The following CNTN4 variants were observed in gnomAD, a reference collection of about 807,000 sequenced individuals.
CNTN4 encodes the protein contactin 4, also known as contactin-4.
Under a neutral mutation model 122.5 loss-of-function variants are expected in CNTN4, and 77 were observed. That is an observed-to-expected ratio of 0.63 (90% CI 0.52 to 0.76). The LOEUF (loss-of-function observed/expected upper bound fraction) is 0.76. CNTN4 is among the 30% of genes least tolerant of loss of function. The pLI is 0.00. For synonymous variants in CNTN4, 512 were observed against 447.0 expected, an observed-to-expected ratio of 1.15 and a Z score of -1.83; for missense variants, 1,256 against 1,259.1, an observed-to-expected ratio of 1.00 and a Z score of 0.04.
chr3:2,702,657 G>A (rs1382417536), intron 4 of CNTN4, among the ~76,000 whole-genome samples: 5 of 152,160 alleles, frequency 3.3e-5, no homozygotes, highest in Non-Finnish European at 7.3e-5. Context: ...TTTTGGGTGA[G>A]CTCCCTCCAG....
chr3:2,431,420 CCTTT>C (rs1359357349), intron 3 of CNTN4, among the ~76,000 whole-genome samples: 1 of 152,082 alleles, frequency 6.6e-6, no homozygotes, highest in Non-Finnish European at 1.5e-5. Flanking sequence ...AAATTATCTT[CCTTT>C]ATGGAGGAGA....
intron 18 of CNTN4, chr3:3,037,771 A>G (rs1013123930): frequency 1.4e-4 from 36 of 258,714 alleles, no homozygotes; most frequent in African/African-American, 6.5e-4. Context: ...TTCTTCAGAA[A>G]TGTTCACTTA....
At chr3:2,684,563 C>T (rs992160183) in intron 4 of CNTN4, among the ~76,000 whole-genome samples, 3 of 152,108 alleles carry the variant, frequency 2.0e-5, no homozygotes. Flanking sequence ...TTAAAGATCT[C>T]GGCATAAATC....
At chr3:2,945,626 A>C (rs2094668408) in intron 13 of CNTN4, among the ~76,000 whole-genome samples, 2 of 152,178 alleles carry the variant, frequency 1.3e-5, no homozygotes, top group Non-Finnish European at 2.9e-5. Flanking sequence ...AGGAGACAGG[A>C]AGGAAAGGAA....
intron 6 of CNTN4, among the ~76,000 whole-genome samples, chr3:2,797,773 G>C (rs1009015815): frequency 6.6e-6 from 1 of 152,132 alleles, no homozygotes; most frequent in Non-Finnish European, 1.5e-5. Context: ...AGGCATTCCT[G>C]TTTAGTAAGA....
intron 3 of CNTN4, among the ~76,000 whole-genome samples, chr3:2,479,575 G>A (rs542606317): frequency 2.2e-4 from 34 of 152,272 alleles, no homozygotes; most frequent in Admixed American, 2.2e-3. Context: ...CGCGATGCCC[G>A]GGAAGATTGT....
chr3:2,214,987 A>G (rs1436560502), intron 2 of CNTN4, among the ~76,000 whole-genome samples: 1 of 152,236 alleles, frequency 6.6e-6, no homozygotes, highest in Non-Finnish European at 1.5e-5. Flanking sequence ...ATTCATATCC[A>G]TGTATTCACA....
intron 6 of CNTN4, among the ~76,000 whole-genome samples, chr3:2,797,593 C>T (rs962596619): frequency 2.6e-5 from 4 of 152,146 alleles, no homozygotes; most frequent in African/African-American, 4.8e-5. Context: ...AGCGAAACTC[C>T]GCCTCAAAAA....
intron 10 of CNTN4, among the ~76,000 whole-genome samples, chr3:2,895,144 T>A (rs2094093138): frequency 6.6e-6 from 1 of 152,182 alleles, no homozygotes; most frequent in Admixed American, 6.5e-5. Context: ...CCCGGCTAAT[T>A]TTTGTATTTT....
chr3:2,376,642 T>C lies in CNTN4; in HGVS notation c.-89+37409T>C, dbSNP rs539464113. 2.6e-5 allele frequency among the ~76,000 whole-genome samples: 4 copies of C among 151,724 alleles called. No individual in the cohort carries two copies. In the South Asian group the frequency reaches 6.3e-4, roughly 24 times the overall value. Reference sequence around the variant, plus strand: ...GATTTCCCAGTTCTCAATTTTCATGTTCTGTTTGTTTCTGTATAATTTTGT... The same window carrying C: ...GATTTCCCAGTTCTCAATTTTCATGCTCTGTTTGTTTCTGTATAATTTTGT... On this transcript the variant is annotated intron_variant, in intron 3 of 24. Coordinates refer to ENST00000418658, the MANE Select transcript of CNTN4 (RefSeq NM_175607.3).
At position 2,520,259 on chromosome 3, in the gene CNTN4, C is replaced by CTTTTTTTTTTTTTTTTTTTTTTTTT. The variant is rs397988483; in HGVS notation, c.-88-51150_-88-51126dup. Among the ~76,000 whole-genome samples the CTTTTTTTTTTTTTTTTTTTTTTTTT allele has an allele frequency of 1.1e-4, 8 of 74,468 alleles. 1 individual carries two copies. The highest frequency in any genetic ancestry group is 2.9e-4 in the African/African-American group (4 of 13,852). The allele number at this position is 74,468 out of a possible 152,430, so 48.9% of individuals were successfully genotyped here. A position where few individuals can be genotyped will look rare whatever the true frequency, so the allele number is the denominator to read the frequency against. On this transcript the variant is annotated intron_variant, in intron 3 of 24. Coordinates refer to ENST00000418658, the MANE Select transcript of CNTN4 (RefSeq NM_175607.3). ...AAAAAGATAGGTTGGTGATTGCTTC[C>CTTTTTTTTTTTTTTTTTTTTTTTTT]TTTTTTTTTTTTTTTTTTTTTTTTT...
At chr3:2,269,086 A>T (rs1303400121) in intron 2 of CNTN4, among the ~76,000 whole-genome samples, 2 of 152,124 alleles carry the variant, frequency 1.3e-5, no homozygotes, top group African/African-American at 4.8e-5. Flanking sequence ...CCTCCTTGAG[A>T]AATAAATCCA....
intron 2 of CNTN4, among the ~76,000 whole-genome samples, chr3:2,182,415 C>G (rs1386186137): frequency 6.6e-6 from 1 of 152,020 alleles, no homozygotes; most frequent in East Asian, 1.9e-4. Context: ...GTCTAGAGAT[C>G]TAACATTAGT....
intron 12 of CNTN4, among the ~76,000 whole-genome samples, chr3:2,907,586 T>C (rs1372988604): frequency 7.4e-6 from 1 of 134,302 alleles, no homozygotes; most frequent in Non-Finnish European, 1.6e-5. Context: ...AAAAAAAAAA[T>C]TATCTCTTGA....
chr3:2,430,405 G>A (rs1035647744), intron 3 of CNTN4, among the ~76,000 whole-genome samples: 1 of 142,242 alleles, frequency 7.0e-6, no homozygotes, highest in Non-Finnish European at 1.5e-5. Flanking sequence ...CTGGGTGACA[G>A]AGCAAGACTC....
At chr3:2,396,859 T>C (rs1182484350) in intron 3 of CNTN4, among the ~76,000 whole-genome samples, 1 of 152,144 alleles carries the variant, frequency 6.6e-6, no homozygotes, top group Admixed American at 6.5e-5. Context: ...TCAGTTATAA[T>C]CTAAGGAGCT....
chr3:2,354,845 A>G (rs1391814567), intron 3 of CNTN4, among the ~76,000 whole-genome samples: 1 of 152,206 alleles, frequency 6.6e-6, no homozygotes, highest in African/African-American at 2.4e-5. Context: ...TGAGGTGAGA[A>G]TCCCACTTGA....
At chr3:2,646,295 G>A (rs2728077) in intron 4 of CNTN4, among the ~76,000 whole-genome samples, 83,546 of 151,942 alleles carry the variant, frequency 0.55, 23,433 homozygotes, top group East Asian at 0.67. Flanking sequence ...GGACTTCATA[G>A]TATTTTTATT....
intron 3 of CNTN4, among the ~76,000 whole-genome samples, chr3:2,440,867 A>G (rs1476148684): frequency 1.4e-5 from 1 of 72,690 alleles, no homozygotes; most frequent in Non-Finnish European, 3.5e-5. Context: ...TATATCTAAC[A>G]TATATGTATA....
Sources: allele counts gnomAD v4.1 joint callset (sites outside exome capture counted in the v4.1 genomes callset), GRCh38; gene constraint gnomAD v4.1.1; transcripts MANE v1.5; gene names NCBI Gene and HGNC (gene_info 2026-07-23, HGNC 2026-07-21).